DOK7: variants seen among roughly 807,000 people sequenced by gnomAD.
The protein encoded by DOK7 is docking protein 7, also known as protein Dok-7.
Under a neutral mutation model 30.7 loss-of-function variants are expected in DOK7, and 32 were observed. The observed-to-expected ratio is 1.04, with a 90% confidence interval of 0.79 to 1.40. The LOEUF is 1.40. Among genes scored for constraint, DOK7 ranks in the 40% most tolerant of loss-of-function variants. The pLI, the probability that DOK7 is intolerant of heterozygous loss-of-function variation, is 0.00. For missense variants in DOK7, 1,007 were observed against 699.2 expected (o/e 1.44, Z -4.97); for synonymous variants, 447 against 324.1 (o/e 1.38, Z -4.07).
intron 6 of DOK7, among the ~76,000 whole-genome samples, chr4:3,490,079 T>TTCCCCCCC (rs1728120676): frequency 8.3e-6 from 1 of 120,314 alleles, no homozygotes; most frequent in African/African-American, 3.0e-5. Context: ...CATTCCTTTC[T>TTCCCCCCC]TCACCCCCTC....
exon 7 of DOK7, chr4:3,500,293 G>A (rs1729125787): frequency 6.5e-7 from 1 of 1,535,966 alleles, no homozygotes; most frequent in Non-Finnish European, 8.7e-7. Context: ...GGACCAGAGA[G>A]GCCGCGCGGC....
intron 4 of DOK7, among the ~76,000 whole-genome samples, chr4:3,480,533 G>A (rs976715247): frequency 1.3e-5 from 2 of 152,204 alleles, no homozygotes; most frequent in African/African-American, 4.8e-5. Context: ...ACTTGAACCT[G>A]GGAGTTGGAG....
chr4:3,465,406 G>C (rs1560202473), intron 2 of DOK7, among the ~76,000 whole-genome samples: 1 of 152,230 alleles, frequency 6.6e-6, no homozygotes, highest in Non-Finnish European at 1.5e-5. Context: ...GCCCGGCGTG[G>C]AGGGAGCAGG....
intron 6 of DOK7, chr4:3,500,203 G>C: frequency 6.5e-7 from 1 of 1,527,524 alleles, no homozygotes; most frequent in Non-Finnish European, 8.8e-7. Flanking sequence ...TTTGAGATCT[G>C]TGCCCCTCTC....
chr4:3,480,191 C>G (rs1577158160), intron 4 of DOK7, among the ~76,000 whole-genome samples: 1 of 152,180 alleles, frequency 6.6e-6, no homozygotes, highest in Admixed American at 6.5e-5. Context: ...TTTGGAGGTG[C>G]CCCCTTTTTC....
chr4:3,476,627 C>T, intron 4 of DOK7, 85 bp downstream of exon 4: 1 of 1,551,232 alleles, frequency 6.4e-7, no homozygotes, highest in Non-Finnish European at 8.9e-7. Context: ...CGGCCGACCC[C>T]ACTTGCAGGC....
downstream of DOK7, chr4:3,496,896 G>T: frequency 6.6e-7 from 1 of 1,523,260 alleles, no homozygotes. Flanking sequence ...CAGAGCTCGG[G>T]GACAGGAAGG....
intron 4 of DOK7, among the ~76,000 whole-genome samples, chr4:3,483,146 G>GGCAGGCAGACC (rs1468490798): frequency 9.0e-5 from 3 of 33,240 alleles, no homozygotes; most frequent in African/African-American, 1.4e-4. Flanking sequence ...GAGTGGAGAT[G>GGCAGGCAGACC]TAGGGGTGTG....
At position 3,468,307 on chromosome 4, in the gene DOK7, C is replaced by T. The variant is rs368180450; in HGVS notation, c.100+4756C>T. Reference sequence around the variant, plus strand: ...GAGTGTGTGTGCACGTGTGCACATGCGTGTGAATACCTGTGTGTGCGAGTG... The same window carrying T: ...GAGTGTGTGTGCACGTGTGCACATGTGTGTGAATACCTGTGTGTGCGAGTG... On this transcript the variant is annotated intron_variant, in intron 2 of 6. Transcript: ENST00000340083. Among the ~76,000 whole-genome samples, 28 of 146,822 alleles carry T rather than the reference C, an allele frequency of 1.9e-4. 5 individuals are homozygous for T. Among genetic ancestry groups the T allele is most frequent in the South Asian group, 8.5e-4 (4 of 4,714 alleles).
intron 5 of DOK7, among the ~76,000 whole-genome samples, chr4:3,487,398 C>A (rs62272673): frequency 3.9e-5 from 6 of 152,210 alleles, no homozygotes; most frequent in Non-Finnish European, 8.8e-5. Context: ...GCCCTGCGGG[C>A]GGCATCCTCA....
chr4:3,475,384 G>A (rs1041037031), intron 3 of DOK7, among the ~76,000 whole-genome samples: 1 of 152,254 alleles, frequency 6.6e-6, no homozygotes, highest in Non-Finnish European at 1.5e-5. Flanking sequence ...GGCAGAGAAG[G>A]GGGAGGTGGG....
At chr4:3,494,697 G>T (rs944387867), downstream of DOK7, among the ~76,000 whole-genome samples, 9 of 152,228 alleles carry the variant, frequency 5.9e-5, no homozygotes, top group African/African-American at 2.2e-4. Flanking sequence ...ATGTGCATGT[G>T]TGGTGTGTGC....
intron 4 of DOK7, among the ~76,000 whole-genome samples, chr4:3,482,837 A>G (rs1476077676): frequency 6.6e-6 from 1 of 152,174 alleles, no homozygotes; most frequent in Non-Finnish European, 1.5e-5. Flanking sequence ...TTGGGTGGAC[A>G]CTGAGACCAC....
chr4:3,466,147 C>A (rs1486948652), intron 2 of DOK7, among the ~76,000 whole-genome samples: 1 of 152,230 alleles, frequency 6.6e-6, no homozygotes, highest in African/African-American at 2.4e-5. Flanking sequence ...CCCGAGGGAT[C>A]TGGCCCAAGA....
chr4:3,501,467 G>A (rs1231034827), exon 8 of DOK7: 2 of 152,742 alleles, frequency 1.3e-5, no homozygotes, highest in Admixed American at 6.5e-5. Flanking sequence ...ATTACAGCCA[G>A]TCATGTAAAG....
chr4:3,485,648 G>A lies in DOK7; in HGVS notation c.642G>A (p.Pro214=), dbSNP rs746371931. ...SPTKGPFGLR[P]VLPDPSPPGP... ...CCAAGGGCCCCTTTGGGCTGCGGCC[G>A]GTTCTACCAGGTGCGTGTGGGAGCC... Residue 214 remains proline (P), a synonymous_variant, in exon 5 of 7, where the codon CCG becomes CCA. Coordinates refer to ENST00000340083, the MANE Select transcript of DOK7 (RefSeq NM_173660.5). 9 of 1,593,198 alleles carry A rather than the reference G, an allele frequency of 5.6e-6. No individual in the cohort carries two copies. The highest frequency in any genetic ancestry group is 4.6e-5 in the East Asian group (2 of 43,410).
At chr4:3,467,525 G>C (rs576673467) in intron 2 of DOK7, among the ~76,000 whole-genome samples, 1 of 147,970 alleles carries the variant, frequency 6.8e-6, no homozygotes, top group Non-Finnish European at 1.5e-5. Flanking sequence ...TTTCCCTGTG[G>C]CTGTGGAGGT....
At chr4:3,497,957 CAG>C (rs1459733547), downstream of DOK7, among the ~76,000 whole-genome samples, 2 of 152,188 alleles carry the variant, frequency 1.3e-5, no homozygotes, top group African/African-American at 2.4e-5. Flanking sequence ...TTTACCCAGA[CAG>C]GGGTGCCCTG....
chr4:3,467,344 T>C (rs902483576), intron 2 of DOK7, among the ~76,000 whole-genome samples: 3 of 141,894 alleles, frequency 2.1e-5, no homozygotes, highest in Non-Finnish European at 4.6e-5. Context: ...CGTGTGCTCA[T>C]GACTCCACAG....
Sources: allele counts gnomAD v4.1 joint callset (sites outside exome capture counted in the v4.1 genomes callset), GRCh38; gene constraint gnomAD v4.1.1; transcripts MANE v1.5; gene names NCBI Gene and HGNC (gene_info 2026-07-23, HGNC 2026-07-21).